The following PCDHA2 variants were observed in gnomAD, a reference collection of about 807,000 sequenced individuals.
PCDHA2 encodes the protein protocadherin alpha-2.
A neutral mutation model predicts 66.0 loss-of-function variants in PCDHA2; 58 were observed. The ratio of observed to expected loss-of-function variants is 0.88; its 90% confidence interval spans 0.71 to 1.09. PCDHA2 has a LOEUF of 1.09. PCDHA2 is among the 50% of genes least tolerant of loss of function. PCDHA2 has a pLI of 0.00. For synonymous variants in PCDHA2, 634 were observed against 554.0 expected (o/e 1.14, Z -2.03); for missense variants, 1,267 against 1,242.3 (o/e 1.02, Z -0.30).
At position 140,809,455 on chromosome 5, in the gene PCDHA2, G is replaced by A. The variant is rs146943849; in HGVS notation, c.2388+12103G>A. ...GGTCATACTCGCAGCAGAGGAGGCC[G>A]AGGGTGTGCTCTGGTGAGGGCCCAC... On this transcript the variant is annotated intron_variant, in intron 1 of 3. Transcript: ENST00000526136. 3,828 of 1,614,228 alleles carry A rather than the reference G, an allele frequency of 2.4e-3. 18 individuals are homozygous for A. Among genetic ancestry groups the A allele is most frequent in the Middle Eastern group, 0.01 (62 of 6,062 alleles).
rs2150473414 is a variant in PCDHA2 at position 140,850,210 on chromosome 5, G to A, written c.2388+52858G>A. 67 of 1,593,594 alleles carry A rather than the reference G, an allele frequency of 4.2e-5. No individual in the cohort carries two copies. In the East Asian group the frequency reaches 1.2e-3, roughly 28 times the overall value. ...GCGCTGCTGACACCTCGGATGAGGG[G>A]CACTGACGGCGCAGTGAGCGAGATG... is the stretch of plus-strand genomic sequence containing the variant. On this transcript the variant is annotated intron_variant, in intron 1 of 3. Coordinates refer to ENST00000526136, the MANE Select transcript of PCDHA2 (RefSeq NM_018905.3).
intron 1 of PCDHA2, chr5:140,829,780 G>A: frequency 1.2e-6 from 2 of 1,613,792 alleles, no homozygotes; most frequent in Non-Finnish European, 1.7e-6. Context: ...ACAACGCGCC[G>A]GCGCTGCTGG....
rs2150349666 is a variant in PCDHA2, at chr5:140,842,999, G to T, written c.2388+45647G>T. ...GCAGGTGTTCGTGCTGGACGAGAAT[G>T]ACAACGCGCCGGCACTGCTGGAGCC... On this transcript the variant is annotated intron_variant, in intron 1 of 3. Coordinates refer to ENST00000526136, the MANE Select transcript of PCDHA2 (RefSeq NM_018905.3). The T allele has an allele frequency of 6.3e-5, 100 of 1,594,954 alleles. 9 individuals carry two copies. In the Admixed American group the frequency reaches 1.7e-3, roughly 27 times the overall value.
chr5:140,937,229 G>A (rs2091424119), intron 1 of PCDHA2, among the ~76,000 whole-genome samples: 1 of 151,784 alleles, frequency 6.6e-6, no homozygotes, highest in Non-Finnish European at 1.5e-5. Flanking sequence ...TGTAGAGACG[G>A]GGTTTCACCG....
intron 1 of PCDHA2, among the ~76,000 whole-genome samples, chr5:140,895,848 G>T (rs147299280): frequency 6.6e-6 from 1 of 151,982 alleles, no homozygotes; most frequent in Non-Finnish European, 1.5e-5. Flanking sequence ...TCTCACTCTT[G>T]TACCCCAGGC....
At chr5:140,875,608 G>C in intron 1 of PCDHA2, 1 of 1,613,844 alleles carries the variant, frequency 6.2e-7, no homozygotes, top group Non-Finnish European at 8.5e-7. Context: ...CACCTTCGTG[G>C]GCCGCATCGC....
At chr5:140,864,331 TG>T (rs1554158785) in intron 1 of PCDHA2, 2 of 152,248 alleles carry the variant, frequency 1.3e-5, no homozygotes, top group African/African-American at 4.8e-5. Context: ...CATAATTATT[TG>T]AGTTTAAAAC....
intron 1 of PCDHA2, chr5:140,883,601 G>T: frequency 1.2e-6 from 2 of 1,614,022 alleles, no homozygotes; most frequent in Non-Finnish European, 1.7e-6. Flanking sequence ...GTCGGTGGGG[G>T]TGGCCGACGT....
chr5:140,801,302 C>T (rs905551581), intron 1 of PCDHA2: 3 of 1,613,482 alleles, frequency 1.9e-6, no homozygotes, highest in Non-Finnish European at 2.5e-6. Flanking sequence ...ACTACTCCGT[C>T]TCTGAGGAGG....
At chr5:140,931,662 T>C (rs905670675) in intron 1 of PCDHA2, among the ~76,000 whole-genome samples, 2 of 152,028 alleles carry the variant, frequency 1.3e-5, no homozygotes, top group Non-Finnish European at 2.9e-5. Context: ...GTGGGCTGGA[T>C]ATTTCCTTAT....
chr5:140,803,297 G>C (rs1554122693), intron 1 of PCDHA2: 5 of 1,614,110 alleles, frequency 3.1e-6, no homozygotes, highest in Non-Finnish European at 4.2e-6. Context: ...ACGTGTACTT[G>C]ATCGTCGCCA....
intron 1 of PCDHA2, among the ~76,000 whole-genome samples, chr5:140,820,175 T>G (rs1766703327): frequency 6.6e-6 from 1 of 151,982 alleles, no homozygotes; most frequent in East Asian, 1.9e-4. Context: ...AGGCAAATAG[T>G]CTGGGAAATT....
chr5:140,848,422 G>A lies in PCDHA2; in HGVS notation c.2388+51070G>A, dbSNP rs143939535. 1,502 of 1,425,074 alleles carry A rather than the reference G, an allele frequency of 1.1e-3. 85 individuals are homozygous for A. The African/African-American group carries it at 0.018, about 17-fold the overall frequency. 88.3% of individuals were successfully genotyped at this position (1,425,074 alleles called of 1,614,324 possible). ...AACGATGGCGAACACAGCAGAATGG[G>A]ACTGACGAAATCAGATGATTTCTTC... On this transcript the variant is annotated intron_variant, in intron 1 of 3. Transcript: ENST00000526136.
chr5:140,876,398 A>C (rs782094508), intron 1 of PCDHA2: 1 of 1,613,962 alleles, frequency 6.2e-7, no homozygotes, highest in South Asian at 1.1e-5. Flanking sequence ...GGTGAACTGG[A>C]TTTTGAAGAG....
At chr5:140,875,958 C>A in intron 1 of PCDHA2, 1 of 1,614,080 alleles carries the variant, frequency 6.2e-7, no homozygotes, top group Middle Eastern at 1.6e-4. Context: ...ATGCGGATAT[C>A]GGCGTAAACT....
chr5:140,863,075 CG>C (rs2047768391), intron 1 of PCDHA2: 1 of 569,530 alleles, frequency 1.8e-6, no homozygotes, highest in South Asian at 1.4e-5. Context: ...GGGCTCTGCA[CG>C]GGCGAGATCA....
chr5:140,832,994 A>G (rs1435786520), intron 1 of PCDHA2, among the ~76,000 whole-genome samples: 1 of 152,222 alleles, frequency 6.6e-6, no homozygotes, highest in Non-Finnish European at 1.5e-5. Flanking sequence ...GGAATAGTCC[A>G]CTTTGGGTAA....
At chr5:140,824,006 T>C in intron 1 of PCDHA2, 2 of 1,613,804 alleles carry the variant, frequency 1.2e-6, no homozygotes, top group South Asian at 1.1e-5. Context: ...TCCAGCGCGG[T>C]GGGGAGCTGG....
chr5:140,884,766 T>G, intron 1 of PCDHA2: 1 of 1,416,492 alleles, frequency 7.1e-7, no homozygotes, highest in Non-Finnish European at 9.3e-7. Context: ...TTCTTTACTT[T>G]AATTTTAATT....
Sources: allele counts gnomAD v4.1 joint callset (sites outside exome capture counted in the v4.1 genomes callset), GRCh38; gene constraint gnomAD v4.1.1; transcripts MANE v1.5; gene names NCBI Gene and HGNC (gene_info 2026-07-23, HGNC 2026-07-21).